The following CDH12 variants were observed in gnomAD, a reference collection of about 807,000 sequenced individuals.
CDH12 encodes the protein cadherin 12.
In CDH12, 41 loss-of-function variants were observed where a neutral mutation model predicts 74.1. That is an observed-to-expected ratio of 0.55 (90% CI 0.43 to 0.72). The LOEUF is 0.72. Ranked by LOEUF, CDH12 falls within the 30% of genes least tolerant of loss-of-function variation. CDH12 has a pLI of 0.00. For synonymous variants in CDH12, 399 were observed against 355.0 expected (o/e 1.12, Z -1.39); for missense variants, 945 against 977.2 (o/e 0.97, Z 0.44).
intron 1 of CDH12, among the ~76,000 whole-genome samples, chr5:22,697,424 T>G (rs994747612): frequency 1.6e-4 from 25 of 151,826 alleles, no homozygotes; most frequent in African/African-American, 6.0e-4. Context: ...TAGAAAAAAT[T>G]AGCCAGGCGT....
intron 4 of CDH12, among the ~76,000 whole-genome samples, chr5:22,153,948 G>C (rs1380550915): frequency 7.1e-6 from 1 of 141,726 alleles, no homozygotes; most frequent in Non-Finnish European, 1.5e-5. Flanking sequence ...ATGTATATAT[G>C]TGTATATGTG....
At chr5:22,080,408 C>T (rs1023882701) in intron 4 of CDH12, among the ~76,000 whole-genome samples, 1 of 151,620 alleles carries the variant, frequency 6.6e-6, no homozygotes, top group Non-Finnish European at 1.5e-5. Flanking sequence ...TAGGGCAAAC[C>T]TAAAAAAAAT....
intron 1 of CDH12, among the ~76,000 whole-genome samples, chr5:22,568,998 T>C (rs1739420212): frequency 6.6e-6 from 1 of 152,214 alleles, no homozygotes; most frequent in African/African-American, 2.4e-5. Flanking sequence ...GTCGCAGCTG[T>C]GACAATTTCT....
chr5:22,708,915 C>T (rs1036161479), intron 1 of CDH12, among the ~76,000 whole-genome samples: 11 of 152,124 alleles, frequency 7.2e-5, no homozygotes, highest in Non-Finnish European at 1.2e-4. Flanking sequence ...ACTGAAAGCG[C>T]CGCCACCCTG....
chr5:21,832,417 C>T (rs1749075951), intron 8 of CDH12, among the ~76,000 whole-genome samples: 1 of 151,950 alleles, frequency 6.6e-6, no homozygotes, highest in Non-Finnish European at 1.5e-5. Context: ...CTCATGATCT[C>T]CTTATAGGAG....
At chr5:22,199,045 G>C (rs987899311) in intron 4 of CDH12, among the ~76,000 whole-genome samples, 1 of 152,098 alleles carries the variant, frequency 6.6e-6, no homozygotes, top group Admixed American at 6.5e-5. Flanking sequence ...ACATGAACTT[G>C]AATTCTGATA....
At chr5:21,883,182 G>C (rs1263351834) in intron 6 of CDH12, 6 of 1,464,130 alleles carry the variant, frequency 4.1e-6, no homozygotes, top group Non-Finnish European at 5.7e-6. Context: ...AAGAAAGGGT[G>C]TCATCACAGT....
intron 1 of CDH12, among the ~76,000 whole-genome samples, chr5:22,514,846 A>G (rs896110645): frequency 1.3e-5 from 2 of 152,194 alleles, no homozygotes; most frequent in African/African-American, 4.8e-5. Flanking sequence ...CTAAGATAAG[A>G]AGAACAAGAA....
chr5:22,627,033 C>T (rs1738334338), intron 1 of CDH12, among the ~76,000 whole-genome samples: 1 of 152,094 alleles, frequency 6.6e-6, no homozygotes, highest in Non-Finnish European at 1.5e-5. Flanking sequence ...TCCAAATTAA[C>T]TCAGTCAAAC....
In CDH12 at chr5:21,796,609, A is replaced by G. The variant is rs554306869; in HGVS notation, c.1256+5558T>C. ...TTACATCATCATTCTGTTATTATTT[A>G]ATTCTTTTGACATGGATTAAAATTA... On this transcript the variant is annotated intron_variant, in intron 10 of 14. Transcript: ENST00000382254. Among the ~76,000 whole-genome samples the G allele has an allele frequency of 3.9e-5, 6 of 152,160 alleles. No homozygotes were observed. The South Asian group carries it at 1.0e-3, about 26-fold the overall frequency.
At chr5:22,007,271 T>C (rs1443709451) in intron 5 of CDH12, among the ~76,000 whole-genome samples, 1 of 152,148 alleles carries the variant, frequency 6.6e-6, no homozygotes, top group Non-Finnish European at 1.5e-5. Context: ...GTGGTGACCA[T>C]AGTTAATAGC....
intron 6 of CDH12, among the ~76,000 whole-genome samples, chr5:21,903,810 A>C (rs944038437): frequency 2.0e-5 from 3 of 152,220 alleles, no homozygotes; most frequent in Non-Finnish European, 4.4e-5. Context: ...TAAGGTAAGA[A>C]CACAAATAGA....
At chr5:22,156,019 C>T (rs1748000125) in intron 4 of CDH12, among the ~76,000 whole-genome samples, 1 of 152,114 alleles carries the variant, frequency 6.6e-6, no homozygotes, top group African/African-American at 2.4e-5. Context: ...CCTTGGGGTT[C>T]CCTGAGGTGG....
At chr5:22,374,922 A>T (rs544550039) in intron 3 of CDH12, among the ~76,000 whole-genome samples, 1 of 152,218 alleles carries the variant, frequency 6.6e-6, no homozygotes, top group South Asian at 2.1e-4. Flanking sequence ...CTATCAAATT[A>T]TCAACATCAT....
chr5:22,699,512 C>A (rs1039798667), intron 1 of CDH12, among the ~76,000 whole-genome samples: 1 of 151,950 alleles, frequency 6.6e-6, no homozygotes, highest in African/African-American at 2.4e-5. Context: ...ACAGTAGTGC[C>A]CCCTGGAGAA....
intron 1 of CDH12, among the ~76,000 whole-genome samples, chr5:22,798,409 A>G (rs1184933779): frequency 2.0e-5 from 3 of 152,146 alleles, no homozygotes; most frequent in Non-Finnish European, 4.4e-5. Context: ...TAAATTTTAC[A>G]AACAGTGCAG....
intron 2 of CDH12, among the ~76,000 whole-genome samples, chr5:22,415,528 C>G (rs1992603): frequency 0.2 from 29,819 of 152,142 alleles, 3,762 homozygotes; most frequent in Admixed American, 0.35. Context: ...TGTCCTCTTT[C>G]TTGCTGTTTT....
intron 1 of CDH12, among the ~76,000 whole-genome samples, chr5:22,730,768 T>A (rs74973212): frequency 0.04 from 6,125 of 151,894 alleles, 174 homozygotes; most frequent in Non-Finnish European, 0.061. Flanking sequence ...ATGATTTTTT[T>A]AATTTGGGTT....
chr5:22,829,714 C>T (rs1736497104), intron 1 of CDH12, among the ~76,000 whole-genome samples: 1 of 152,152 alleles, frequency 6.6e-6, no homozygotes, highest in African/African-American at 2.4e-5. Flanking sequence ...TAGTCATTGC[C>T]ACTTATGCAT....
Sources: allele counts gnomAD v4.1 joint callset (sites outside exome capture counted in the v4.1 genomes callset), GRCh38; gene constraint gnomAD v4.1.1; transcripts MANE v1.5; gene names NCBI Gene and HGNC (gene_info 2026-07-23, HGNC 2026-07-21).